The following MARCHF4 variants were observed in gnomAD, a reference collection of about 807,000 sequenced individuals.
The protein encoded by MARCHF4 is E3 ubiquitin-protein ligase MARCHF4.
Under a neutral mutation model 43.9 loss-of-function variants are expected in MARCHF4, and 14 were observed. That is an observed-to-expected ratio of 0.32 (90% CI 0.21 to 0.50). MARCHF4 has a LOEUF of 0.50. Ranked by LOEUF, MARCHF4 falls within the 20% of genes least tolerant of loss-of-function variation. The pLI is 0.98. For missense variants in MARCHF4, 468 were observed against 536.7 expected, an observed-to-expected ratio of 0.87 and a Z score of 1.27; for synonymous variants, 226 against 213.3, an observed-to-expected ratio of 1.06 and a Z score of -0.52.
chr2:216,323,243 G>T (rs1047989522), intron 1 of MARCHF4, among the ~76,000 whole-genome samples: 3 of 152,246 alleles, frequency 2.0e-5, no homozygotes, highest in African/African-American at 7.2e-5. Flanking sequence ...GTAAGAATCT[G>T]GGCCCTGGAG....
intron 1 of MARCHF4, among the ~76,000 whole-genome samples, chr2:216,307,804 A>C (rs1213597394): frequency 6.6e-6 from 1 of 152,174 alleles, no homozygotes; most frequent in Non-Finnish European, 1.5e-5. Flanking sequence ...ATTGATGCCT[A>C]GGTGCTGAGG....
rs113989817 is a variant in MARCHF4, at chr2:216,274,423, C to G, written c.865+3249G>C. Among the ~76,000 whole-genome samples, 1,025 of 152,326 alleles carry G rather than the reference C, an allele frequency of 6.7e-3. 10 individuals are homozygous for G. The highest frequency in any genetic ancestry group is 0.023 in the African/African-American group (969 of 41,572). On this transcript the variant is annotated intron_variant, in intron 3 of 3. Coordinates refer to ENST00000273067, the MANE Select transcript of MARCHF4 (RefSeq NM_020814.3). ...ATATCCCTGGCAGGCATTGCAGGCT[C>G]TACCCGATTCTCCCTCCAGAGAGCC... is the stretch of plus-strand genomic sequence containing the variant.
At chr2:216,318,235 C>T (rs1056642386) in intron 1 of MARCHF4, 1 of 152,236 alleles carries the variant, frequency 6.6e-6, no homozygotes, top group Non-Finnish European at 1.5e-5. Context: ...CAGTTCCTCA[C>T]CACCTCTGTT....
chr2:216,320,231 G>A (rs182188351), intron 1 of MARCHF4, among the ~76,000 whole-genome samples: 1 of 152,330 alleles, frequency 6.6e-6, no homozygotes, highest in East Asian at 1.9e-4. Flanking sequence ...AAATAAGAAA[G>A]AAGGATGCCA....
intron 2 of MARCHF4, among the ~76,000 whole-genome samples, chr2:216,280,817 C>G (rs576284390): frequency 6.6e-6 from 1 of 152,288 alleles, no homozygotes; most frequent in Non-Finnish European, 1.5e-5. Flanking sequence ...CTAAATTATA[C>G]AATATATGTG....
chr2:216,329,054 A>G (rs1692042103), intron 1 of MARCHF4, among the ~76,000 whole-genome samples: 1 of 151,840 alleles, frequency 6.6e-6, no homozygotes, highest in African/African-American at 2.4e-5. Context: ...AAACAAAACA[A>G]AGATAAACAA....
intron 1 of MARCHF4, among the ~76,000 whole-genome samples, chr2:216,292,477 A>G (rs548618218): frequency 6.6e-6 from 1 of 152,316 alleles, no homozygotes; most frequent in Admixed American, 6.5e-5. Context: ...AGAAAAATTC[A>G]CTGGATTTGT....
In MARCHF4 at chr2:216,322,636, A is replaced by G. The variant is rs542038539; in HGVS notation, c.517-38907T>C. Among the ~76,000 whole-genome samples, 110 of 152,372 alleles carry G rather than the reference A, an allele frequency of 7.2e-4. 1 individual carries two copies. Among genetic ancestry groups the G allele is most frequent in the Admixed American group, 1.2e-3 (19 of 15,308 alleles). On this transcript the variant is annotated intron_variant, in intron 1 of 3. Coordinates refer to ENST00000273067, the MANE Select transcript of MARCHF4 (RefSeq NM_020814.3). Reference sequence around the variant, plus strand: ...CAGGAGTTCGAAACCAGCCTGGCCAACATGGCGAAACCCCATCTCTACTAA... The same window carrying G: ...CAGGAGTTCGAAACCAGCCTGGCCAGCATGGCGAAACCCCATCTCTACTAA...
chr2:216,278,375 C>A (rs1263064225), intron 2 of MARCHF4, among the ~76,000 whole-genome samples: 1 of 152,214 alleles, frequency 6.6e-6, no homozygotes, highest in Non-Finnish European at 1.5e-5. Context: ...AGGCACCCAA[C>A]ACCATGCGTG....
At chr2:216,303,163 C>T (rs866630782) in intron 1 of MARCHF4, among the ~76,000 whole-genome samples, 37 of 152,162 alleles carry the variant, frequency 2.4e-4, no homozygotes, top group African/African-American at 8.0e-4. Context: ...ATGGCAAGAA[C>T]GTCATCTCCT....
intron 1 of MARCHF4, among the ~76,000 whole-genome samples, chr2:216,357,349 G>C (rs1692518648): frequency 6.6e-6 from 1 of 151,880 alleles, no homozygotes; most frequent in Non-Finnish European, 1.5e-5. Flanking sequence ...TTTTGACATG[G>C]TCTTGCTCTG....
At chr2:216,275,223 G>A (rs936017776) in intron 3 of MARCHF4, among the ~76,000 whole-genome samples, 6 of 152,172 alleles carry the variant, frequency 3.9e-5, no homozygotes, top group African/African-American at 1.4e-4. Flanking sequence ...CAGGGAAAAG[G>A]CAGGCAGCTA....
At chr2:216,314,842 T>G (rs952810514) in intron 1 of MARCHF4, among the ~76,000 whole-genome samples, 1 of 151,980 alleles carries the variant, frequency 6.6e-6, no homozygotes, top group African/African-American at 2.4e-5. Context: ...AAGAAGAGCA[T>G]GAGAGGTGAC....
At chr2:216,330,587 G>C (rs908776258) in intron 1 of MARCHF4, among the ~76,000 whole-genome samples, 1 of 152,090 alleles carries the variant, frequency 6.6e-6, no homozygotes, top group Non-Finnish European at 1.5e-5. Context: ...CCAAGTCTAC[G>C]TGAAATGTTT....
At chr2:216,365,374 G>A (rs1692648369) in intron 1 of MARCHF4, among the ~76,000 whole-genome samples, 1 of 152,222 alleles carries the variant, frequency 6.6e-6, no homozygotes, top group South Asian at 2.1e-4. Flanking sequence ...GGCCAGAACA[G>A]GTGGCCTCCC....
At chr2:216,320,611 CTTTCT>C (rs1245847118) in intron 1 of MARCHF4, among the ~76,000 whole-genome samples, 6 of 16,382 alleles carry the variant, frequency 3.7e-4, no homozygotes, top group Non-Finnish European at 7.3e-4. Flanking sequence ...GCCTCTTTTT[CTTTCT>C]TTCTTTCTTT....
At chr2:216,290,683 T>C (rs1479379731) in intron 1 of MARCHF4, among the ~76,000 whole-genome samples, 1 of 152,176 alleles carries the variant, frequency 6.6e-6, no homozygotes, top group Non-Finnish European at 1.5e-5. Context: ...ACCACTATTG[T>C]AGCAGAGGAA....
intron 3 of MARCHF4, among the ~76,000 whole-genome samples, chr2:216,267,849 G>A (rs560636434): frequency 6.6e-6 from 1 of 152,272 alleles, no homozygotes; most frequent in East Asian, 1.9e-4. Flanking sequence ...AGAACAACTG[G>A]GATAAATGAA....
chr2:216,340,992 T>C (rs1692227794), intron 1 of MARCHF4, among the ~76,000 whole-genome samples: 1 of 152,146 alleles, frequency 6.6e-6, no homozygotes. Context: ...GGTTGTGAAC[T>C]ACGCCCAGTT....
Sources: gnomAD v4.1 joint callset for allele counts (sites outside exome capture counted in the v4.1 genomes callset) on GRCh38, gnomAD v4.1.1 for gene constraint, MANE v1.5 for transcripts, NCBI Gene and HGNC (gene_info 2026-07-23, HGNC 2026-07-21) for gene names.